Variants in PPM1H observed in about 807,000 individuals in gnomAD.
The protein encoded by PPM1H is protein phosphatase, Mg2+/Mn2+ dependent 1H, also known as protein phosphatase 1H.
Under a neutral mutation model 54.9 loss-of-function variants are expected in PPM1H, and 27 were observed. The ratio of observed to expected loss-of-function variants is 0.49; its 90% CI spans 0.36 to 0.68. The LOEUF is 0.68. Ranked by LOEUF, PPM1H falls within the 30% of genes least tolerant of loss-of-function variation. The pLI, the probability that PPM1H is intolerant of heterozygous loss-of-function variation, is 0.00. For missense variants in PPM1H, 596 were observed against 667.8 expected, an observed-to-expected ratio of 0.89 and a Z score of 1.19; for synonymous variants, 305 against 270.8, an observed-to-expected ratio of 1.13 and a Z score of -1.24.
intron 3 of PPM1H, among the ~76,000 whole-genome samples, chr12:62,796,139 A>G (rs1478822052): frequency 6.6e-6 from 1 of 152,230 alleles, no homozygotes; most frequent in Non-Finnish European, 1.5e-5. Flanking sequence ...TGAAAACAAC[A>G]CAAACTGTTT....
chr12:62,881,050 A>G (rs1489669943), intron 1 of PPM1H, among the ~76,000 whole-genome samples: 1 of 152,186 alleles, frequency 6.6e-6, no homozygotes, highest in African/African-American at 2.4e-5. Flanking sequence ...CTCCAATCTC[A>G]GTGATCTAAC....
chr12:62,803,662 C>T (rs2076786382), intron 2 of PPM1H, among the ~76,000 whole-genome samples: 1 of 152,098 alleles, frequency 6.6e-6, no homozygotes, highest in Admixed American at 6.5e-5. Flanking sequence ...AGATATGATA[C>T]CCAAAGCACA....
intron 3 of PPM1H, among the ~76,000 whole-genome samples, chr12:62,798,909 T>G (rs1198013826): frequency 1.3e-5 from 2 of 152,142 alleles, no homozygotes; most frequent in Non-Finnish European, 2.9e-5. Flanking sequence ...AGGGAACCTT[T>G]CCCTTCATCT....
intron 8 of PPM1H, among the ~76,000 whole-genome samples, chr12:62,677,845 C>T (rs1229464263): frequency 2.6e-5 from 4 of 152,236 alleles, no homozygotes; most frequent in Non-Finnish European, 5.9e-5. Context: ...GTCTTTGGAT[C>T]ACTTACTTCA....
At chr12:62,868,047 C>T (rs146790821) in intron 1 of PPM1H, among the ~76,000 whole-genome samples, 243 of 152,164 alleles carry the variant, frequency 1.6e-3, no homozygotes, top group African/African-American at 5.7e-3. Flanking sequence ...TGTGGGACTT[C>T]GACAAGGTTG....
chr12:62,698,914 C>T (rs2076128449), intron 6 of PPM1H, among the ~76,000 whole-genome samples: 1 of 152,166 alleles, frequency 6.6e-6, no homozygotes, highest in Non-Finnish European at 1.5e-5. Flanking sequence ...ATTGTTCCAA[C>T]TCACTGACAA....
At chr12:62,761,850 C>A (rs1285601978) in intron 4 of PPM1H, among the ~76,000 whole-genome samples, 1 of 152,174 alleles carries the variant, frequency 6.6e-6, no homozygotes, top group African/African-American at 2.4e-5. Flanking sequence ...AATGACACAG[C>A]AAGGAGCTGG....
intron 9 of PPM1H, among the ~76,000 whole-genome samples, chr12:62,664,083 A>C (rs1565748865): frequency 4.2e-5 from 1 of 23,982 alleles, no homozygotes; most frequent in African/African-American, 2.0e-4. Context: ...TTAGGGCCTC[A>C]CTCAGAAATA....
chr12:62,778,151 G>A (rs973535272), intron 4 of PPM1H, among the ~76,000 whole-genome samples: 1 of 152,182 alleles, frequency 6.6e-6, no homozygotes, highest in African/African-American at 2.4e-5. Context: ...AAAAATGATA[G>A]TGATATCCAA....
At chr12:62,933,513 T>C (rs943284073) in intron 1 of PPM1H, among the ~76,000 whole-genome samples, 3 of 152,188 alleles carry the variant, frequency 2.0e-5, no homozygotes, top group African/African-American at 7.2e-5. Flanking sequence ...GGCGCAGGTG[T>C]GCCAGCCACC....
intron 1 of PPM1H, among the ~76,000 whole-genome samples, chr12:62,914,353 A>C (rs1227068204): frequency 6.6e-6 from 1 of 152,238 alleles, no homozygotes; most frequent in Non-Finnish European, 1.5e-5. Context: ...TCATGAGCCA[A>C]ATAAATGTTT....
At chr12:62,833,032 C>A (rs754726677) in intron 1 of PPM1H, among the ~76,000 whole-genome samples, 16 of 152,152 alleles carry the variant, frequency 1.1e-4, no homozygotes, top group Admixed American at 4.6e-4. Flanking sequence ...TTTTCTCTAT[C>A]AGGTGACTAT....
At chr12:62,822,960 G>A (rs547523794) in intron 2 of PPM1H, among the ~76,000 whole-genome samples, 3 of 152,206 alleles carry the variant, frequency 2.0e-5, no homozygotes, top group South Asian at 4.2e-4. Flanking sequence ...TCAGGAGCTG[G>A]TTTTTTGAAA....
At chr12:62,797,378 A>T (rs1368576600) in intron 3 of PPM1H, among the ~76,000 whole-genome samples, 2 of 152,218 alleles carry the variant, frequency 1.3e-5, no homozygotes, top group African/African-American at 4.8e-5. Flanking sequence ...TGAAATGCCT[A>T]TATGACAACT....
intron 4 of PPM1H, among the ~76,000 whole-genome samples, chr12:62,779,539 A>G (rs974100797): frequency 1.4e-4 from 22 of 152,368 alleles, no homozygotes; most frequent in African/African-American, 4.8e-4. Context: ...AGCAGTTGCC[A>G]TACACCTGGC....
intron 1 of PPM1H, among the ~76,000 whole-genome samples, chr12:62,907,377 G>T (rs1339742752): frequency 6.6e-6 from 1 of 152,140 alleles, no homozygotes; most frequent in Non-Finnish European, 1.5e-5. Flanking sequence ...GCAGAAATGA[G>T]CAAATTGCAC....
intron 1 of PPM1H, among the ~76,000 whole-genome samples, chr12:62,876,619 T>C (rs1448659930): frequency 6.6e-6 from 1 of 152,132 alleles, no homozygotes; most frequent in Admixed American, 6.5e-5. Context: ...GGAGAGGGTA[T>C]GTACAGTATA....
At chr12:62,756,674 T>C (rs574594613) in intron 4 of PPM1H, among the ~76,000 whole-genome samples, 329 of 151,626 alleles carry the variant, frequency 2.2e-3, no homozygotes, top group Middle Eastern at 6.8e-3. Context: ...TGAAGAGTAC[T>C]TACTGAGAAA....
intron 4 of PPM1H, chr12:62,755,412 G>C: frequency 1.4e-6 from 1 of 729,022 alleles, no homozygotes; most frequent in Non-Finnish European, 2.5e-6. Flanking sequence ...CCAAGGCTGA[G>C]AATGGGAAGC....
Sources: gnomAD v4.1 joint callset for allele counts (sites outside exome capture counted in the v4.1 genomes callset) on GRCh38, gnomAD v4.1.1 for gene constraint, MANE v1.5 for transcripts, NCBI Gene and HGNC (gene_info 2026-07-23, HGNC 2026-07-21) for gene names.